RAD51B: variants seen among roughly 807,000 people sequenced by gnomAD.
RAD51B encodes DNA repair protein RAD51 homolog 2.
In RAD51B, 38 loss-of-function variants were observed where a neutral mutation model predicts 42.2. The observed-to-expected ratio is 0.90, with a 90% confidence interval of 0.70 to 1.18. RAD51B has a LOEUF of 1.18. Among genes scored for constraint, RAD51B ranks in the 50% most tolerant of loss-of-function variants. RAD51B has a pLI of 0.00. For missense variants in RAD51B, 373 were observed against 400.7 expected (o/e 0.93, Z 0.59); for synonymous variants, 154 against 145.2 (o/e 1.06, Z -0.43).
chr14:68,101,342 A>G (rs1350325146), intron 7 of RAD51B, among the ~76,000 whole-genome samples: 1 of 152,340 alleles, frequency 6.6e-6, no homozygotes, highest in Non-Finnish European at 1.5e-5. Context: ...TCATTCCAGC[A>G]TTAACTCAAA....
intron 7 of RAD51B, among the ~76,000 whole-genome samples, chr14:68,250,525 A>C (rs1011110110): frequency 6.6e-6 from 1 of 152,252 alleles, no homozygotes; most frequent in South Asian, 2.1e-4. Context: ...CAAATATTAT[A>C]GAATTCTTTG....
At chr14:67,829,133 ATTTG>A (rs1318043890) in intron 3 of RAD51B, among the ~76,000 whole-genome samples, 2 of 152,064 alleles carry the variant, frequency 1.3e-5, no homozygotes, top group African/African-American at 2.4e-5. Context: ...ATGTTTTTCC[ATTTG>A]TTTGTGTCCT....
At chr14:68,520,958 GT>G (rs1886534761) in intron 10 of RAD51B, among the ~76,000 whole-genome samples, 1 of 152,212 alleles carries the variant, frequency 6.6e-6, no homozygotes, top group Admixed American at 6.5e-5. Context: ...TGGAGTTTTT[GT>G]TTGGATTGTT....
chr14:67,933,448 C>T (rs2044815297), intron 7 of RAD51B, among the ~76,000 whole-genome samples: 1 of 152,058 alleles, frequency 6.6e-6, no homozygotes, highest in Non-Finnish European at 1.5e-5. Flanking sequence ...TGTGACTGAC[C>T]CAGCATGAGT....
At chr14:68,444,055 G>T (rs2085363766) in intron 9 of RAD51B, among the ~76,000 whole-genome samples, 1 of 152,062 alleles carries the variant, frequency 6.6e-6, no homozygotes, top group Non-Finnish European at 1.5e-5. Context: ...GTTCTCCATG[G>T]CATGGCCTTC....
intron 7 of RAD51B, among the ~76,000 whole-genome samples, chr14:68,167,345 T>C (rs983264968): frequency 2.3e-4 from 35 of 152,304 alleles, no homozygotes; most frequent in African/African-American, 8.2e-4. Flanking sequence ...CTAATTCCAG[T>C]GTGAAGTCTT....
intron 7 of RAD51B, among the ~76,000 whole-genome samples, chr14:68,143,719 C>G (rs1271353685): frequency 1.3e-5 from 2 of 152,234 alleles, no homozygotes; most frequent in African/African-American, 4.8e-5. Context: ...TCACTATACT[C>G]TGCCTGTTGC....
At chr14:68,188,213 C>G (rs1409323226) in intron 7 of RAD51B, among the ~76,000 whole-genome samples, 1 of 151,782 alleles carries the variant, frequency 6.6e-6, no homozygotes, top group Non-Finnish European at 1.5e-5. Flanking sequence ...ACATGTCTTA[C>G]AAAGTTAAAA....
At chr14:68,382,636 G>T (rs1237977467) in intron 8 of RAD51B, among the ~76,000 whole-genome samples, 1 of 152,198 alleles carries the variant, frequency 6.6e-6, no homozygotes, top group Non-Finnish European at 1.5e-5. Context: ...AGTCATTGGA[G>T]TTGATTTGCT....
chr14:68,571,708 C>A lies in RAD51B; in HGVS notation c.1037-22777C>A, dbSNP rs74641481. Among the ~76,000 whole-genome samples, 346 of 152,296 alleles carry A rather than the reference C, an allele frequency of 2.3e-3. 4 individuals carry two copies. The highest frequency in any genetic ancestry group is 8.1e-3 in the African/African-American group (337 of 41,550). On this transcript the variant is annotated intron_variant, in intron 10 of 10. Coordinates refer to the RAD51B transcript ENST00000487270. ...GGCTTCAGGAAATAGGCCGTGGACA[C>A]CTTTGAGGGGCCGTTATTCTCCCTA... is the stretch of plus-strand genomic sequence containing the variant.
intron 7 of RAD51B, among the ~76,000 whole-genome samples, chr14:68,248,956 G>C (rs1164830978): frequency 6.6e-6 from 1 of 152,228 alleles, no homozygotes; most frequent in African/African-American, 2.4e-5. Flanking sequence ...AGGGTCTGGG[G>C]GTAAGGCACC....
chr14:67,981,017 A>G (rs2075082280), intron 7 of RAD51B, among the ~76,000 whole-genome samples: 1 of 152,206 alleles, frequency 6.6e-6, no homozygotes, highest in African/African-American at 2.4e-5. Context: ...AGGAACTCTC[A>G]AAATTCAATA....
chr14:67,867,063 GT>G (rs1284456937), intron 5 of RAD51B, among the ~76,000 whole-genome samples: 1 of 152,154 alleles, frequency 6.6e-6, no homozygotes, highest in African/African-American at 2.4e-5. Context: ...TTGAGGTCTG[GT>G]GATAGGGCCA....
At chr14:68,279,710 C>G (rs3784098) in intron 7 of RAD51B, among the ~76,000 whole-genome samples, 1 of 152,100 alleles carries the variant, frequency 6.6e-6, no homozygotes, top group African/African-American at 2.4e-5. Context: ...TTGTACAGAG[C>G]AACCCATCCG....
rs985326198 is a variant in RAD51B, at chr14:67,981,638, A to G, written c.756+94434A>G. Among the ~76,000 whole-genome samples the G allele has an allele frequency of 2.0e-5, 3 of 152,350 alleles. No homozygotes were observed. In the South Asian group the frequency reaches 6.2e-4, roughly 32 times the overall value. ...TACTATTTACAATAAAAATGAATTAATTATTGGTACATGTAACAACATGGA... is the reference window on the plus strand; with the variant it reads ...TACTATTTACAATAAAAATGAATTAGTTATTGGTACATGTAACAACATGGA... On this transcript the variant is annotated intron_variant, in intron 7 of 10. Coordinates refer to ENST00000471583, the MANE Select transcript of RAD51B (RefSeq NM_133510.4).
chr14:68,518,027 C>G (rs569355057), intron 10 of RAD51B, among the ~76,000 whole-genome samples: 2 of 152,274 alleles, frequency 1.3e-5, no homozygotes, highest in Admixed American at 1.3e-4. Context: ...GTGCCCTCAA[C>G]TCCAGTCTAG....
chr14:68,391,896 T>A (rs1016926316), intron 8 of RAD51B, among the ~76,000 whole-genome samples: 4 of 152,166 alleles, frequency 2.6e-5, no homozygotes, highest in African/African-American at 9.7e-5. Flanking sequence ...CAAAACCATT[T>A]CCAAGGTCAT....
chr14:68,652,489 G>A (rs1314697662), intron 11 of RAD51B, among the ~76,000 whole-genome samples: 1 of 152,230 alleles, frequency 6.6e-6, no homozygotes, highest in East Asian at 1.9e-4. Flanking sequence ...TAGAGAAGAG[G>A]CAGAGGTGCA....
Position 68,295,995 on chromosome 14 carries a change from C to T in RAD51B, c.853+4015C>T, listed in dbSNP as rs2081607324. On this transcript the variant is annotated intron_variant, in intron 8 of 10. Transcript: ENST00000471583. ...AGCAAGAGACAAGATCTGAAGTGTA[C>T]ACAGAGTGAGAAAGAGACAGCAATA... is the stretch of plus-strand genomic sequence containing the variant. 2.0e-5 allele frequency among the ~76,000 whole-genome samples: 3 copies of T among 152,090 alleles called. No homozygotes were observed. In the South Asian group the frequency reaches 6.2e-4, roughly 32 times the overall value.
Sources: allele counts gnomAD v4.1 joint callset (sites outside exome capture counted in the v4.1 genomes callset), GRCh38; gene constraint gnomAD v4.1.1; transcripts MANE v1.5; gene names NCBI Gene and HGNC (gene_info 2026-07-23, HGNC 2026-07-21).